ALK: variants seen among roughly 807,000 people sequenced by gnomAD.
The protein encoded by ALK is ALK receptor tyrosine kinase, also known as ALK tyrosine kinase receptor.
In ALK, 74 loss-of-function variants were observed where a neutral mutation model predicts 163.1. The observed-to-expected ratio is 0.45, with a 90% CI of 0.38 to 0.55. The LOEUF (loss-of-function observed/expected upper bound fraction) is 0.55. ALK is among the 20% of genes least tolerant of loss of function. The probability of loss-of-function intolerance (pLI) is 0.00; values close to 1 mark genes in which losing one functional copy is unlikely to be tolerated. For missense variants in ALK, 2,063 were observed against 2,105.3 expected (o/e 0.98, Z 0.39); for synonymous variants, 960 against 843.2 (o/e 1.14, Z -2.40).
intron 8 of ALK, among the ~76,000 whole-genome samples, chr2:29,311,333 G>A (rs1478979575): frequency 1.3e-5 from 2 of 152,176 alleles, no homozygotes; most frequent in African/African-American, 2.4e-5. Flanking sequence ...TTCCGAAAAC[G>A]GCAGTGAGGG....
rs146625668 is a variant in ALK, at chr2:29,351,689, C to A, written c.1283-23208G>T. Among the ~76,000 whole-genome samples the A allele has an allele frequency of 1.6e-3, 242 of 152,308 alleles. 2 individuals are homozygous for A. Among genetic ancestry groups the A allele is most frequent in the African/African-American group, 5.7e-3 (237 of 41,550 alleles). On this transcript the variant is annotated intron_variant, in intron 5 of 28. Transcript: ENST00000389048. ...TGCTGATTTATGGTGATGATTGCAG[C>A]TGCAAAGTCTTGAGGTAAGGCTGGA... is the stretch of plus-strand genomic sequence containing the variant.
intron 3 of ALK, among the ~76,000 whole-genome samples, chr2:29,598,336 T>A (rs115974471): frequency 0.026 from 4,013 of 152,176 alleles, 166 homozygotes; most frequent in African/African-American, 0.091. Context: ...CAGAGAGTAC[T>A]TCTAAAAAGA....
At chr2:29,604,327 C>T (rs536936354) in intron 3 of ALK, among the ~76,000 whole-genome samples, 12 of 152,080 alleles carry the variant, frequency 7.9e-5, no homozygotes, top group African/African-American at 2.2e-4. Context: ...ATGGCCCTTT[C>T]GTGTTACAAT....
At chr2:29,744,868 C>T (rs911328132) in intron 1 of ALK, among the ~76,000 whole-genome samples, 1 of 152,086 alleles carries the variant, frequency 6.6e-6, no homozygotes, top group Non-Finnish European at 1.5e-5. Flanking sequence ...AACCTCAGAA[C>T]TCATCCAGTG....
intron 3 of ALK, among the ~76,000 whole-genome samples, chr2:29,643,567 A>G (rs1445984251): frequency 1.3e-5 from 2 of 152,156 alleles, no homozygotes; most frequent in Non-Finnish European, 2.9e-5. Flanking sequence ...GGGCATTGCA[A>G]AAGGCTTGGT....
chr2:29,766,775 C>A (rs890533854), intron 1 of ALK, among the ~76,000 whole-genome samples: 11 of 152,174 alleles, frequency 7.2e-5, no homozygotes, highest in Admixed American at 4.6e-4. Flanking sequence ...CACCTGCCAT[C>A]CTCTGCATGA....
At chr2:29,368,278 G>T (rs949898765) in intron 5 of ALK, among the ~76,000 whole-genome samples, 5 of 152,140 alleles carry the variant, frequency 3.3e-5, no homozygotes, top group Admixed American at 1.3e-4. Flanking sequence ...GGGCTGGGAT[G>T]GTGGTACAGT....
At chr2:29,509,911 C>A (rs772303294) in intron 4 of ALK, among the ~76,000 whole-genome samples, 1 of 152,080 alleles carries the variant, frequency 6.6e-6, no homozygotes, top group African/African-American at 2.4e-5. Context: ...CAATTGTGAT[C>A]TGTTTGTGGT....
At chr2:29,743,945 TAAAAA>T (rs151294400) in intron 1 of ALK, among the ~76,000 whole-genome samples, 1 of 143,718 alleles carries the variant, frequency 7.0e-6, no homozygotes, top group Non-Finnish European at 1.5e-5. Context: ...CCCTCTGAAA[TAAAAA>T]AAAAAATGCT....
intron 28 of ALK, among the ~76,000 whole-genome samples, chr2:29,195,954 C>G (rs192978433): frequency 6.6e-6 from 1 of 151,920 alleles, no homozygotes; most frequent in African/African-American, 2.4e-5. Context: ...TGAGAAATGG[C>G]GGCAGAGGCA....
intron 11 of ALK, among the ~76,000 whole-genome samples, chr2:29,258,582 T>C (rs1665008082): frequency 6.6e-6 from 1 of 152,252 alleles, no homozygotes; most frequent in Non-Finnish European, 1.5e-5. Context: ...TCTATCATCC[T>C]CTGAAGCTGG....
chr2:29,355,512 C>G (rs892069778), intron 5 of ALK, among the ~76,000 whole-genome samples: 1 of 152,104 alleles, frequency 6.6e-6, no homozygotes, highest in African/African-American at 2.4e-5. Flanking sequence ...ACACACACCA[C>G]TTGTCCTTGA....
chr2:29,242,112 A>G (rs1664540456), intron 12 of ALK, among the ~76,000 whole-genome samples: 1 of 152,256 alleles, frequency 6.6e-6, no homozygotes, highest in Non-Finnish European at 1.5e-5. Flanking sequence ...AAGAGGAAGC[A>G]GCATTATTTA....
At chr2:29,203,304 T>C (rs1669226870) in intron 26 of ALK, among the ~76,000 whole-genome samples, 1 of 146,826 alleles carries the variant, frequency 6.8e-6, no homozygotes, top group African/African-American at 2.7e-5. Flanking sequence ...AGCTCCAGGC[T>C]TTCAAAATGT....
intron 3 of ALK, among the ~76,000 whole-genome samples, chr2:29,590,202 A>G (rs1423093421): frequency 6.6e-6 from 1 of 152,202 alleles, no homozygotes; most frequent in Non-Finnish European, 1.5e-5. Context: ...GCAACTATTT[A>G]ATTTCTCTGA....
At chr2:29,447,087 G>A (rs144987641) in intron 4 of ALK, among the ~76,000 whole-genome samples, 1 of 152,338 alleles carries the variant, frequency 6.6e-6, no homozygotes, top group African/African-American at 2.4e-5. Context: ...GGCCACCAGA[G>A]TCAGCTGTAA....
rs192213246 is a variant in ALK, at chr2:29,864,386, C to G, written c.667+55607G>C. Reference sequence around the variant, plus strand: ...AGTCTTGGCAGAGCAGTACTCCTGGCCTTCCTAAGTAGGCCCTTTCTCTTT... The same window carrying G: ...AGTCTTGGCAGAGCAGTACTCCTGGGCTTCCTAAGTAGGCCCTTTCTCTTT... On this transcript the variant is annotated intron_variant, in intron 1 of 28. Transcript: ENST00000389048. Among the ~76,000 whole-genome samples the G allele has an allele frequency of 5.4e-4, 82 of 152,330 alleles. 1 individual carries two copies. The highest frequency in any genetic ancestry group is 5.3e-3 in the Admixed American group (81 of 15,310).
At chr2:29,353,144 T>C (rs572337364) in intron 5 of ALK, among the ~76,000 whole-genome samples, 2 of 152,228 alleles carry the variant, frequency 1.3e-5, no homozygotes, top group African/African-American at 4.8e-5. Context: ...ACATCACTAT[T>C]GTAAAACCTA....
intron 4 of ALK, among the ~76,000 whole-genome samples, chr2:29,426,777 C>T (rs571390217): frequency 4.3e-4 from 65 of 152,174 alleles, no homozygotes; most frequent in Middle Eastern, 3.4e-3. Context: ...CGGTGGCTCA[C>T]GCCTGTAATC....
Sources: gnomAD v4.1 joint callset for allele counts (sites outside exome capture counted in the v4.1 genomes callset) on GRCh38, gnomAD v4.1.1 for gene constraint, MANE v1.5 for transcripts, NCBI Gene and HGNC (gene_info 2026-07-23, HGNC 2026-07-21) for gene names.